The following EFNA5 variants were observed in gnomAD, a reference collection of about 807,000 sequenced individuals.
EFNA5 encodes the protein ephrin-A5.
EFNA5 carries 5 observed loss-of-function variants against 22.9 expected under a neutral mutation model. That is an observed-to-expected ratio of 0.22 (90% CI 0.11 to 0.46). The LOEUF (loss-of-function observed/expected upper bound fraction) is 0.46. Among genes scored for constraint, EFNA5 ranks in the 20% least tolerant of loss-of-function variants. The probability of loss-of-function intolerance (pLI) is 0.99; values close to 1 mark genes in which losing one functional copy is unlikely to be tolerated. For synonymous variants in EFNA5, 113 were observed against 112.2 expected (o/e 1.01, Z -0.04); for missense variants, 237 against 293.3 (o/e 0.81, Z 1.40).
At chr5:107,654,038 T>C (rs940070019) in intron 1 of EFNA5, among the ~76,000 whole-genome samples, 2 of 152,120 alleles carry the variant, frequency 1.3e-5, no homozygotes, top group African/African-American at 2.4e-5. Context: ...ATTAAGAGTA[T>C]GCTATGATAA....
chr5:107,384,743 C>G (rs1322027455), intron 4 of EFNA5, among the ~76,000 whole-genome samples: 1 of 147,196 alleles, frequency 6.8e-6, no homozygotes, highest in Non-Finnish European at 1.5e-5. Flanking sequence ...TCCCAAGTAA[C>G]TGAGACTAAA....
intron 1 of EFNA5, among the ~76,000 whole-genome samples, chr5:107,490,818 G>A (rs962562421): frequency 6.6e-6 from 1 of 152,142 alleles, no homozygotes; most frequent in Non-Finnish European, 1.5e-5. Flanking sequence ...AAGCACCTCA[G>A]TATTAATCCT....
At chr5:107,532,115 CT>C (rs1172980180) in intron 1 of EFNA5, among the ~76,000 whole-genome samples, 1 of 152,144 alleles carries the variant, frequency 6.6e-6, no homozygotes, top group African/African-American at 2.4e-5. Flanking sequence ...ATGGGAACGG[CT>C]TTGTTTTATG....
chr5:107,563,014 T>C (rs893009274), intron 1 of EFNA5, among the ~76,000 whole-genome samples: 2 of 152,160 alleles, frequency 1.3e-5, no homozygotes, highest in Non-Finnish European at 2.9e-5. Context: ...TGAAAGTCAG[T>C]GGGGTACAAA....
chr5:107,444,187 G>C (rs1477274853), intron 1 of EFNA5, among the ~76,000 whole-genome samples: 7 of 152,176 alleles, frequency 4.6e-5, no homozygotes, highest in African/African-American at 1.4e-4. Context: ...CCTGAAAAAA[G>C]CTAAAGATAA....
intron 1 of EFNA5, among the ~76,000 whole-genome samples, chr5:107,571,761 A>G (rs1336869090): frequency 6.6e-6 from 1 of 152,186 alleles, no homozygotes; most frequent in African/African-American, 2.4e-5. Context: ...GAGAGAAAAC[A>G]AAGCTCTGCA....
At chr5:107,553,933 A>C (rs141551754) in intron 1 of EFNA5, among the ~76,000 whole-genome samples, 3 of 152,336 alleles carry the variant, frequency 2.0e-5, no homozygotes, top group African/African-American at 7.2e-5. Context: ...CTTCTTCCAC[A>C]CATCATTATA....
intron 1 of EFNA5, among the ~76,000 whole-genome samples, chr5:107,561,429 C>T (rs996884004): frequency 5.3e-5 from 8 of 152,040 alleles, no homozygotes; most frequent in African/African-American, 1.5e-4. Flanking sequence ...AGTGCAATGG[C>T]GCTATCTTGG....
chr5:107,622,282 A>G (rs932201061), intron 1 of EFNA5, among the ~76,000 whole-genome samples: 1 of 152,166 alleles, frequency 6.6e-6, no homozygotes, highest in African/African-American at 2.4e-5. Context: ...GGGATTCTCA[A>G]CTGCTTTGCT....
intron 2 of EFNA5, among the ~76,000 whole-genome samples, chr5:107,399,315 A>AAATGG (rs1561369505): frequency 4.4e-5 from 3 of 67,566 alleles, no homozygotes; most frequent in African/African-American, 7.1e-5. Flanking sequence ...GGAAGGAAGG[A>AAATGG]AACGGAAAGG....
intron 2 of EFNA5, among the ~76,000 whole-genome samples, chr5:107,393,551 G>T (rs1020191737): frequency 2.0e-5 from 3 of 152,118 alleles, no homozygotes; most frequent in Admixed American, 1.3e-4. Flanking sequence ...AGAATATTCA[G>T]CCGCTTTCTT....
chr5:107,597,585 A>G (rs1172616477), intron 1 of EFNA5, among the ~76,000 whole-genome samples: 1 of 152,190 alleles, frequency 6.6e-6, no homozygotes, highest in Non-Finnish European at 1.5e-5. Context: ...ACTTGGCTAG[A>G]GAAAGGGGGG....
chr5:107,574,550 T>C (rs1007912804), intron 1 of EFNA5, among the ~76,000 whole-genome samples: 10 of 152,092 alleles, frequency 6.6e-5, no homozygotes, highest in South Asian at 6.3e-4. Flanking sequence ...CATAAGAAGA[T>C]TTTTTTCCCC....
Position 107,639,503 on chromosome 5 carries a change from G to A in EFNA5, c.125+30986C>T, listed in dbSNP as rs550964256. On this transcript the variant is annotated intron_variant, in intron 1 of 4. Transcript: ENST00000333274. ...AGTACCTACCTCATAGGGTCATTAG[G>A]CAAATTACATGACTTTACATATGCA... is the stretch of plus-strand genomic sequence containing the variant. Among the ~76,000 whole-genome samples, 11 of 152,284 alleles carry A rather than the reference G, an allele frequency of 7.2e-5. No individual in the cohort carries two copies. In the South Asian group the frequency reaches 2.3e-3, roughly 32 times the overall value.
chr5:107,575,681 T>C (rs979078176), intron 1 of EFNA5, among the ~76,000 whole-genome samples: 1 of 152,136 alleles, frequency 6.6e-6, no homozygotes, highest in Non-Finnish European at 1.5e-5. Context: ...GCACAGCACA[T>C]AGTCCTTACC....
chr5:107,657,121 T>C (rs1750843300), intron 1 of EFNA5, among the ~76,000 whole-genome samples: 1 of 152,144 alleles, frequency 6.6e-6, no homozygotes, highest in Non-Finnish European at 1.5e-5. Flanking sequence ...TCACTGTTAA[T>C]AACTTTGAGT....
intron 1 of EFNA5, among the ~76,000 whole-genome samples, chr5:107,618,914 T>A (rs1458941455): frequency 6.6e-6 from 1 of 152,128 alleles, no homozygotes; most frequent in Non-Finnish European, 1.5e-5. Flanking sequence ...CTATGCCAGT[T>A]GTGTACTCTT....
chr5:107,547,101 A>G lies in EFNA5; in HGVS notation c.126-119592T>C, dbSNP rs1027427163. On this transcript the variant is annotated intron_variant, in intron 1 of 4. Transcript: ENST00000333274. ...AGTGGACTGTTTCAATCAAGCTGCAAAAGAAGTAGCTTTTTGTATTACTTA... is the reference window on the plus strand; with the variant it reads ...AGTGGACTGTTTCAATCAAGCTGCAGAAGAAGTAGCTTTTTGTATTACTTA... Among the ~76,000 whole-genome samples, 5 of 152,210 alleles carry G rather than the reference A, an allele frequency of 3.3e-5. No individual in the cohort carries two copies. The South Asian group carries it at 6.2e-4, about 19-fold the overall frequency.
intron 2 of EFNA5, among the ~76,000 whole-genome samples, chr5:107,403,744 T>C (rs968368174): frequency 6.6e-6 from 1 of 152,254 alleles, no homozygotes; most frequent in South Asian, 2.1e-4. Flanking sequence ...GTTATTCACA[T>C]GCTTTCTAGT....
Sources: allele counts gnomAD v4.1 joint callset (sites outside exome capture counted in the v4.1 genomes callset), GRCh38; gene constraint gnomAD v4.1.1; transcripts MANE v1.5; gene names NCBI Gene and HGNC (gene_info 2026-07-23, HGNC 2026-07-21).